The following SLC25A17 variants were observed in gnomAD, a reference collection of about 807,000 sequenced individuals.
SLC25A17 encodes peroxisomal membrane protein PMP34.
In SLC25A17, 26 loss-of-function variants were observed where a neutral mutation model predicts 38.5. That is an observed-to-expected ratio of 0.68 (90% confidence interval 0.50 to 0.94). SLC25A17 has a LOEUF of 0.94. SLC25A17 is among the 40% of genes least tolerant of loss of function. The pLI is 0.00. For missense variants in SLC25A17, 333 were observed against 372.7 expected (o/e 0.89, Z 0.88); for synonymous variants, 139 against 136.2 (o/e 1.02, Z -0.14).
At chr22:40,778,035 T>C (rs1386997973) in intron 5 of SLC25A17, among the ~76,000 whole-genome samples, 2 of 152,110 alleles carry the variant, frequency 1.3e-5, no homozygotes, top group Non-Finnish European at 2.9e-5. Flanking sequence ...AAAGATAAGA[T>C]CGTTTCCTAG....
chr22:40,813,507 C>A (rs979977096), intron 1 of SLC25A17, among the ~76,000 whole-genome samples: 4 of 152,076 alleles, frequency 2.6e-5, no homozygotes, highest in African/African-American at 9.7e-5. Flanking sequence ...CACCGCACTC[C>A]AGCCTGGGTG....
At chr22:40,810,818 A>G (rs2057573955) in intron 1 of SLC25A17, among the ~76,000 whole-genome samples, 1 of 152,226 alleles carries the variant, frequency 6.6e-6, no homozygotes, top group Admixed American at 6.5e-5. Flanking sequence ...TGGAATTTAT[A>G]CATCTCCATA....
chr22:40,798,650 C>A, intron 2 of SLC25A17, among the ~76,000 whole-genome samples: 1 of 113,976 alleles, frequency 8.8e-6, no homozygotes, highest in Non-Finnish European at 1.8e-5. Context: ...AAAATAAAAG[C>A]ACACATACAT....
chr22:40,803,467 G>A (rs1177067481), intron 1 of SLC25A17, among the ~76,000 whole-genome samples: 1 of 152,126 alleles, frequency 6.6e-6, no homozygotes, highest in Non-Finnish European at 1.5e-5. Context: ...GTTCATCCAT[G>A]TCACCACAAA....
chr22:40,790,471 G>GA (rs1040570294), intron 4 of SLC25A17, among the ~76,000 whole-genome samples: 5 of 144,408 alleles, frequency 3.5e-5, no homozygotes, highest in South Asian at 2.2e-4. Flanking sequence ...AAAAAAAAAA[G>GA]AAAAAAATTG....
intron 1 of SLC25A17, among the ~76,000 whole-genome samples, chr22:40,811,546 C>T (rs1451355536): frequency 1.3e-5 from 2 of 152,056 alleles, no homozygotes; most frequent in Non-Finnish European, 2.9e-5. Context: ...TCTCCAGCCT[C>T]AGACTCCTGA....
At chr22:40,811,485 A>T (rs947128046) in intron 1 of SLC25A17, among the ~76,000 whole-genome samples, 3 of 151,578 alleles carry the variant, frequency 2.0e-5, no homozygotes, top group African/African-American at 7.3e-5. Context: ...GCTGGAGTGC[A>T]GTGGTGCAAT....
chr22:40,778,101 T>C (rs545941366), intron 5 of SLC25A17, among the ~76,000 whole-genome samples: 28 of 152,296 alleles, frequency 1.8e-4, no homozygotes, highest in African/African-American at 5.8e-4. Flanking sequence ...CAAAGATTGA[T>C]GTATGGGAAA....
intron 4 of SLC25A17, 56 bp downstream of exon 4, chr22:40,792,469 G>A (rs1278656778): frequency 6.9e-7 from 1 of 1,449,598 alleles, no homozygotes; most frequent in Non-Finnish European, 9.4e-7. Context: ...CCTCTTAGAG[G>A]ATATAAAACC....
intron 2 of SLC25A17, among the ~76,000 whole-genome samples, chr22:40,798,660 TAAAAAAA>T (rs10640211): frequency 2.7e-5 from 2 of 74,378 alleles, no homozygotes; most frequent in African/African-American, 5.1e-5. Flanking sequence ...CACACATACA[TAAAAAAA>T]AAAAAAAAAA....
In SLC25A17 at chr22:40,770,921, G is replaced by A. The variant is rs1289045305; in HGVS notation, c.837C>T (p.Leu279=). The change falls in exon 9 of 9, where the codon CTC becomes CTT. Residue 279 remains leucine, a synonymous_variant. Transcript: ENST00000435456. ...GLEAKLLQTV[L]TAALMFLVYE... ...AAACAAGGAACATGAGAGCAGCAGT[G>A]AGGACTGTCTGCAGCAGTTTGGCTT... 1.9e-6 allele frequency: 3 copies of A among 1,613,238 alleles called. No homozygotes were observed. The highest frequency in any genetic ancestry group is 1.1e-5 in the South Asian group (1 of 91,012).
intron 1 of SLC25A17, among the ~76,000 whole-genome samples, chr22:40,816,854 G>T (rs1202670500): frequency 6.6e-6 from 1 of 151,944 alleles, no homozygotes; most frequent in East Asian, 1.9e-4. Context: ...CAGGCGATCC[G>T]CCTGCCTCAG....
chr22:40,801,784 G>A (rs2057486643), intron 1 of SLC25A17, among the ~76,000 whole-genome samples: 1 of 152,062 alleles, frequency 6.6e-6, no homozygotes, highest in Non-Finnish European at 1.5e-5. Flanking sequence ...GCATGGTACT[G>A]CATTTCTTTT....
At chr22:40,815,225 A>G (rs138326) in intron 1 of SLC25A17, among the ~76,000 whole-genome samples, 110,240 of 152,050 alleles carry the variant, frequency 0.73, 41,447 homozygotes, top group African/African-American at 0.91. Flanking sequence ...GATGGGACAG[A>G]CCTGACCATG....
chr22:40,801,764 A>C (rs1207449848), intron 1 of SLC25A17, among the ~76,000 whole-genome samples: 2 of 152,112 alleles, frequency 1.3e-5, no homozygotes, highest in Non-Finnish European at 2.9e-5. Flanking sequence ...TCTGGCACTC[A>C]TTTTCTATCG....
chr22:40,803,820 G>GTTTTTT (rs772323398), intron 1 of SLC25A17, among the ~76,000 whole-genome samples: 3 of 117,444 alleles, frequency 2.6e-5, no homozygotes, highest in African/African-American at 6.2e-5. Flanking sequence ...GCTAGTTTTT[G>GTTTTTT]TTTTTTTTTT....
At position 40,770,906 on chromosome 22, in the gene SLC25A17, C is replaced by G; in HGVS notation, c.852G>C (p.Met284Ile). 1.2e-6 allele frequency: 2 copies of G among 1,613,572 alleles called. No homozygotes were observed. Among genetic ancestry groups the G allele is most frequent in the African/African-American group, 1.3e-5 (1 of 75,060 alleles). ...CTGTCAGTTTCTCATAAACAAGGAA[C>G]ATGAGAGCAGCAGTGAGGACTGTCT... ...LLQTVLTAALMFLVYEKLTAA... is the reference protein window; with the variant it reads ...LLQTVLTAALIFLVYEKLTAA... The change falls in exon 9 of 9, where the codon ATG becomes ATC. Residue 284 changes from methionine to isoleucine, a missense_variant. Met to Ile is a conservative substitution (Grantham distance 10, BLOSUM62 1). Coordinates refer to ENST00000435456, the MANE Select transcript of SLC25A17 (RefSeq NM_006358.4).
At chr22:40,774,226 CTTT>C (rs568552474) in intron 7 of SLC25A17, among the ~76,000 whole-genome samples, 10 of 138,610 alleles carry the variant, frequency 7.2e-5, no homozygotes, top group Non-Finnish European at 7.9e-5. Context: ...AAAATTTTTC[CTTT>C]TTTTTTTTTT....
At chr22:40,804,477 A>G (rs549576321) in intron 1 of SLC25A17, among the ~76,000 whole-genome samples, 1 of 152,076 alleles carries the variant, frequency 6.6e-6, no homozygotes, top group Non-Finnish European at 1.5e-5. Context: ...CTTTTTTTTA[A>G]GTATCTCTTG....
Sources: gnomAD v4.1 joint callset for allele counts (sites outside exome capture counted in the v4.1 genomes callset) on GRCh38, gnomAD v4.1.1 for gene constraint, MANE v1.5 for transcripts, NCBI Gene and HGNC (gene_info 2026-07-23, HGNC 2026-07-21) for gene names.